Variants in EYS observed in about 807,000 individuals in gnomAD.
EYS encodes the protein protein eyes shut homolog.
In EYS, 250 loss-of-function variants were observed where a neutral mutation model predicts 282.1. That is an observed-to-expected ratio of 0.89 (90% CI 0.80 to 0.98). EYS has a LOEUF of 0.98. Ranked by LOEUF, EYS falls within the 50% of genes least tolerant of loss-of-function variation. The pLI is 0.00. For missense variants in EYS, 4,016 were observed against 3,709.0 expected, an observed-to-expected ratio of 1.08 and a Z score of -2.15; for synonymous variants, 1,355 against 1,282.9, an observed-to-expected ratio of 1.06 and a Z score of -1.20.
At chr6:64,856,909 T>C (rs1205734587) in intron 19 of EYS, among the ~76,000 whole-genome samples, 1 of 152,220 alleles carries the variant, frequency 6.6e-6, no homozygotes, top group Non-Finnish European at 1.5e-5. Flanking sequence ...AGAAGTTTTA[T>C]ATTTTTGTGT....
chr6:64,466,514 G>A (rs34766139), intron 26 of EYS, among the ~76,000 whole-genome samples: 2 of 151,812 alleles, frequency 1.3e-5, no homozygotes, highest in Admixed American at 6.6e-5. Flanking sequence ...AGACAAATAC[G>A]ACATGATCTT....
At chr6:64,918,928 T>TA (rs1768248066) in intron 15 of EYS, among the ~76,000 whole-genome samples, 1 of 152,214 alleles carries the variant, frequency 6.6e-6, no homozygotes, top group East Asian at 1.9e-4. Context: ...AGTACCATTC[T>TA]AACAAATAAT....
intron 31 of EYS, among the ~76,000 whole-genome samples, chr6:64,147,849 A>G (rs1774571289): frequency 6.6e-6 from 1 of 152,174 alleles, no homozygotes; most frequent in Non-Finnish European, 1.5e-5. Context: ...ATGTTTAGTT[A>G]CCAGATGGAG....
At chr6:64,791,103 A>T (rs1466615832) in intron 22 of EYS, among the ~76,000 whole-genome samples, 1 of 151,772 alleles carries the variant, frequency 6.6e-6, no homozygotes, top group Non-Finnish European at 1.5e-5. Context: ...AGCTTTTCTC[A>T]TTCTCCTTTC....
chr6:65,296,061 A>G lies in EYS; in HGVS notation c.1825T>C (p.Leu609=). The G allele has an allele frequency of 6.4e-7, 1 of 1,550,762 alleles. No individual in the cohort carries two copies. Among genetic ancestry groups the G allele is most frequent in the Non-Finnish European group, 8.7e-7 (1 of 1,146,356 alleles). The part of the protein sequence containing the change: ...RLCVVNVDYC[L]GNHSISVHGL... ...TGCACTGATATACTGTGGTTCCCTA[A>G]GCAATAGTCAACATTGACAACACAC... The change falls in exon 12 of 43, where the codon TTA becomes CTA. Residue 609 remains leucine (L), a synonymous_variant. Transcript: ENST00000503581.
chr6:64,010,291 CAGT>C (rs1163490552), intron 33 of EYS, among the ~76,000 whole-genome samples: 1 of 150,210 alleles, frequency 6.7e-6, no homozygotes, highest in African/African-American at 2.5e-5. Context: ...CCTGCTCTGA[CAGT>C]GGTGGTGGTG....
At chr6:65,257,143 T>G (rs1199714180) in intron 12 of EYS, among the ~76,000 whole-genome samples, 4 of 65,602 alleles carry the variant, frequency 6.1e-5, no homozygotes, top group Non-Finnish European at 1.1e-4. Flanking sequence ...TAAATTTGTT[T>G]GAGTTCATTG....
At chr6:65,384,221 T>A (rs941938754) in intron 8 of EYS, among the ~76,000 whole-genome samples, 165 bp downstream of exon 8, 4 of 151,786 alleles carry the variant, frequency 2.6e-5, no homozygotes, top group African/African-American at 9.7e-5. Flanking sequence ...ATAATTCTTA[T>A]AAATTAAAAC....
intron 14 of EYS, among the ~76,000 whole-genome samples, chr6:64,997,045 C>A (rs1229646894): frequency 6.6e-6 from 1 of 152,010 alleles, no homozygotes; most frequent in African/African-American, 2.4e-5. Context: ...AAATCAATTG[C>A]CAACCATGTC....
At chr6:64,393,062 T>G (rs7748138) in intron 28 of EYS, among the ~76,000 whole-genome samples, 5,800 of 152,012 alleles carry the variant, frequency 0.038, 357 homozygotes, top group African/African-American at 0.13. Context: ...ACACATACAC[T>G]CTCCCAAGAC....
intron 35 of EYS, among the ~76,000 whole-genome samples, chr6:63,935,889 T>G (rs528265334): frequency 1.3e-5 from 2 of 152,320 alleles, no homozygotes; most frequent in East Asian, 3.9e-4. Context: ...ATTGAGATGT[T>G]AATTAACTTT....
chr6:64,195,685 G>A (rs1026169583), intron 31 of EYS, among the ~76,000 whole-genome samples: 3 of 151,970 alleles, frequency 2.0e-5, no homozygotes, highest in Admixed American at 6.6e-5. Flanking sequence ...GTATGTTTGT[G>A]TGTATGTATA....
chr6:65,491,319 C>T (rs1766035961), intron 4 of EYS: 1 of 262,906 alleles, frequency 3.8e-6, no homozygotes, highest in Admixed American at 4.7e-5. Context: ...CCTTCCATAA[C>T]ATACTCATTC....
At chr6:65,443,259 T>G (rs1017639724) in intron 5 of EYS, among the ~76,000 whole-genome samples, 1 of 150,932 alleles carries the variant, frequency 6.6e-6, no homozygotes, top group Non-Finnish European at 1.5e-5. Context: ...TGTATACATA[T>G]ATGCAAACAT....
At chr6:64,716,624 A>G (rs1440598136) in intron 22 of EYS, among the ~76,000 whole-genome samples, 3 of 152,202 alleles carry the variant, frequency 2.0e-5, no homozygotes, top group African/African-American at 7.2e-5. Flanking sequence ...GTCCTTAGCA[A>G]CAGGCAGGAT....
chr6:65,625,442 C>T (rs759399572), intron 2 of EYS, among the ~76,000 whole-genome samples: 1 of 152,134 alleles, frequency 6.6e-6, no homozygotes, highest in Non-Finnish European at 1.5e-5. Flanking sequence ...CAGATAATTA[C>T]AAATTTATCC....
chr6:65,358,184 G>A (rs1015627622), intron 8 of EYS, among the ~76,000 whole-genome samples: 2 of 151,888 alleles, frequency 1.3e-5, no homozygotes, highest in African/African-American at 4.8e-5. Flanking sequence ...TGGAACTGAT[G>A]CTTTAAAATA....
chr6:64,155,555 C>T (rs144036785), intron 31 of EYS, among the ~76,000 whole-genome samples: 80 of 152,150 alleles, frequency 5.3e-4, no homozygotes, highest in African/African-American at 1.9e-3. Flanking sequence ...AGCTTCACAA[C>T]GTTGGTCTGA....
At chr6:65,500,591 C>A (rs1213470357) in intron 2 of EYS, among the ~76,000 whole-genome samples, 1 of 151,802 alleles carries the variant, frequency 6.6e-6, no homozygotes, top group Non-Finnish European at 1.5e-5. Context: ...AACAAGTTGC[C>A]AAAATAGAGT....
Sources: gnomAD v4.1 joint callset for allele counts (sites outside exome capture counted in the v4.1 genomes callset) on GRCh38, gnomAD v4.1.1 for gene constraint, MANE v1.5 for transcripts, NCBI Gene and HGNC (gene_info 2026-07-23, HGNC 2026-07-21) for gene names.